The following CHST11 variants were observed in gnomAD, a reference collection of about 807,000 sequenced individuals.
The protein encoded by CHST11 is carbohydrate sulfotransferase 11.
A neutral mutation model predicts 30.4 loss-of-function variants in CHST11; 9 were observed. That is an observed-to-expected ratio of 0.30 (90% CI 0.18 to 0.52). The LOEUF (loss-of-function observed/expected upper bound fraction) is 0.52. CHST11 is among the 20% of genes least tolerant of loss of function. CHST11 has a pLI of 0.97. For synonymous variants in CHST11, 152 were observed against 187.8 expected (o/e 0.81, Z 1.56); for missense variants, 348 against 460.6 (o/e 0.76, Z 2.24).
chr12:104,620,391 C>T (rs933469530), intron 2 of CHST11, among the ~76,000 whole-genome samples: 1 of 152,172 alleles, frequency 6.6e-6, no homozygotes, highest in Non-Finnish European at 1.5e-5. Context: ...CAATTATTCA[C>T]GGTCATGGGG....
At chr12:104,478,719 A>T (rs1215029845) in intron 1 of CHST11, among the ~76,000 whole-genome samples, 1 of 152,198 alleles carries the variant, frequency 6.6e-6, no homozygotes, top group Admixed American at 6.5e-5. Context: ...GTTGGGGCCC[A>T]GTCACTACCT....
At chr12:104,743,819 T>G (rs1017663663) in intron 2 of CHST11, among the ~76,000 whole-genome samples, 7 of 152,132 alleles carry the variant, frequency 4.6e-5, no homozygotes, top group Admixed American at 2.0e-4. Context: ...GTCCATGTGT[T>G]CTCATCATTT....
chr12:104,513,128 G>GGA (rs1555229107), intron 1 of CHST11, among the ~76,000 whole-genome samples: 2 of 82,124 alleles, frequency 2.4e-5, no homozygotes, highest in South Asian at 5.1e-4. Flanking sequence ...ATGACTGGGG[G>GGA]GGGGGGGGGT....
rs145267854 is a variant in CHST11, at chr12:104,721,735, A to C, written c.205-35214A>C. Among the ~76,000 whole-genome samples, 930 of 152,318 alleles carry C rather than the reference A, an allele frequency of 6.1e-3. 16 individuals carry two copies. Among genetic ancestry groups the C allele is most frequent in the African/African-American group, 0.021 (874 of 41,556 alleles). On this transcript the variant is annotated intron_variant, in intron 2 of 2. Transcript: ENST00000303694. ...CATAGAAAAAAAAATAGATCGTTTC[A>C]CTGAAAGAACCACTATAAATACTCC...
intron 2 of CHST11, among the ~76,000 whole-genome samples, chr12:104,735,264 T>C (rs2040291205): frequency 6.6e-6 from 1 of 152,130 alleles, no homozygotes; most frequent in South Asian, 2.1e-4. Flanking sequence ...AAAATGGAAA[T>C]ATAATACGTC....
intron 1 of CHST11, among the ~76,000 whole-genome samples, chr12:104,518,061 G>A (rs2038042381): frequency 1.3e-5 from 2 of 152,134 alleles, no homozygotes; most frequent in Non-Finnish European, 2.9e-5. Context: ...GGAAGCTGAG[G>A]TGGGAGCTTG....
At chr12:104,589,784 C>A (rs112943812) in intron 1 of CHST11, among the ~76,000 whole-genome samples, 2 of 151,964 alleles carry the variant, frequency 1.3e-5, no homozygotes, top group African/African-American at 4.8e-5. Context: ...CTGAGGCAGG[C>A]GGATCACCTG....
At chr12:104,507,933 G>A (rs1409683608) in intron 1 of CHST11, among the ~76,000 whole-genome samples, 1 of 152,176 alleles carries the variant, frequency 6.6e-6, no homozygotes, top group African/African-American at 2.4e-5. Flanking sequence ...TCCCAGGATG[G>A]CACTGCAGAG....
At chr12:104,619,985 G>A (rs1211104317) in intron 2 of CHST11, among the ~76,000 whole-genome samples, 3 of 152,148 alleles carry the variant, frequency 2.0e-5, no homozygotes, top group Admixed American at 6.6e-5. Context: ...TCCTCAGCCC[G>A]GAAGCTTTGT....
intron 2 of CHST11, among the ~76,000 whole-genome samples, chr12:104,670,319 A>G (rs1392509193): frequency 6.6e-6 from 1 of 152,062 alleles, no homozygotes; most frequent in Non-Finnish European, 1.5e-5. Context: ...TCCACCAGCA[A>G]TCTCTGCCTC....
chr12:104,464,143 C>T (rs1457615106), intron 1 of CHST11, among the ~76,000 whole-genome samples: 1 of 150,872 alleles, frequency 6.6e-6, no homozygotes, highest in East Asian at 1.9e-4. Context: ...TCTGGGCTCA[C>T]TGCAACCTCT....
At chr12:104,700,278 T>C (rs2039981006) in intron 2 of CHST11, among the ~76,000 whole-genome samples, 2 of 152,116 alleles carry the variant, frequency 1.3e-5, no homozygotes, top group South Asian at 4.1e-4. Flanking sequence ...AAAATACTGA[T>C]AGAATAAAAT....
At chr12:104,743,163 C>T (rs1394379537) in intron 2 of CHST11, among the ~76,000 whole-genome samples, 1 of 152,190 alleles carries the variant, frequency 6.6e-6, no homozygotes, top group Non-Finnish European at 1.5e-5. Context: ...GTGAAAACTA[C>T]CTGCCATCTC....
intron 1 of CHST11, among the ~76,000 whole-genome samples, chr12:104,480,577 C>CAAA (rs58063092): frequency 6.2e-5 from 7 of 112,646 alleles, no homozygotes; most frequent in African/African-American, 1.4e-4. Flanking sequence ...GATTCCATCT[C>CAAA]AAAAAAAAAA....
intron 1 of CHST11, among the ~76,000 whole-genome samples, chr12:104,522,747 G>T (rs1180926427): frequency 6.6e-6 from 1 of 152,112 alleles, no homozygotes; most frequent in African/African-American, 2.4e-5. Flanking sequence ...CTCCTAAAGT[G>T]CTGGAATTAC....
At chr12:104,625,005 A>C (rs1159892390) in intron 2 of CHST11, among the ~76,000 whole-genome samples, 1 of 152,206 alleles carries the variant, frequency 6.6e-6, no homozygotes, top group Non-Finnish European at 1.5e-5. Flanking sequence ...ACCTCTTCAA[A>C]GGCCTCATCT....
intron 2 of CHST11, among the ~76,000 whole-genome samples, chr12:104,618,845 T>C (rs938582874): frequency 6.6e-6 from 1 of 152,218 alleles, no homozygotes. Flanking sequence ...GGAGCTTGTT[T>C]ATTGCTCATG....
chr12:104,547,268 G>C (rs1361394387), intron 1 of CHST11, among the ~76,000 whole-genome samples: 1 of 152,178 alleles, frequency 6.6e-6, no homozygotes, highest in Admixed American at 6.5e-5. Context: ...CCAAGGAGAT[G>C]GTCTGATTGC....
At chr12:104,557,165 G>A (rs2036834) in intron 1 of CHST11, among the ~76,000 whole-genome samples, 20,850 of 151,928 alleles carry the variant, frequency 0.14, 1,519 homozygotes, top group African/African-American at 0.16. Flanking sequence ...TTTCTTTTTC[G>A]GGGACAAAAT....
Sources: allele counts gnomAD v4.1 joint callset (sites outside exome capture counted in the v4.1 genomes callset), GRCh38; gene constraint gnomAD v4.1.1; transcripts MANE v1.5; gene names NCBI Gene and HGNC (gene_info 2026-07-23, HGNC 2026-07-21).